Variants in SPAG16 observed in about 807,000 individuals in gnomAD.
The protein encoded by SPAG16 is sperm associated antigen 16, also known as sperm-associated antigen 16 protein.
Under a neutral mutation model 80.4 loss-of-function variants are expected in SPAG16, and 86 were observed. That is an observed-to-expected ratio of 1.07 (90% CI 0.90 to 1.28). SPAG16 has a LOEUF of 1.28. SPAG16 is among the 50% of genes most tolerant of loss of function. SPAG16 has a pLI of 0.00. For synonymous variants in SPAG16, 294 were observed against 265.9 expected (o/e 1.11, Z -1.03); for missense variants, 870 against 765.3 (o/e 1.14, Z -1.61).
intron 12 of SPAG16, among the ~76,000 whole-genome samples, chr2:213,942,927 A>T (rs2079271579): frequency 6.6e-6 from 1 of 152,168 alleles, no homozygotes; most frequent in Non-Finnish European, 1.5e-5. Flanking sequence ...TTAGGTCATG[A>T]AGGTAGAGCC....
At chr2:213,982,610 G>GGTGTGTGTGTGTGTGTGTGTGT (rs57529616) in intron 12 of SPAG16, among the ~76,000 whole-genome samples, 3 of 141,858 alleles carry the variant, frequency 2.1e-5, no homozygotes, top group African/African-American at 5.2e-5. Context: ...TATAGTTTCT[G>GGTGTGTGTGTGTGTGTGTGTGT]GTGTGTGTGT....
chr2:213,877,985 AT>A (rs1277535714), intron 11 of SPAG16, among the ~76,000 whole-genome samples: 1 of 152,126 alleles, frequency 6.6e-6, no homozygotes, highest in Admixed American at 6.6e-5. Flanking sequence ...ATTGACCTAG[AT>A]CAAATTTCTG....
chr2:213,534,602 A>G (rs2076178578), intron 10 of SPAG16, among the ~76,000 whole-genome samples: 1 of 152,136 alleles, frequency 6.6e-6, no homozygotes, highest in Non-Finnish European at 1.5e-5. Context: ...AATCCCAAAA[A>G]CATACTCATT....
chr2:213,483,612 CAGAG>C (rs1008198217), intron 9 of SPAG16, among the ~76,000 whole-genome samples: 26 of 152,228 alleles, frequency 1.7e-4, no homozygotes, highest in African/African-American at 6.0e-4. Context: ...GCCCCATTCA[CAGAG>C]ACTCTGATTT....
At chr2:214,351,595 C>T (rs1265147565) in intron 15 of SPAG16, among the ~76,000 whole-genome samples, 1 of 152,022 alleles carries the variant, frequency 6.6e-6, no homozygotes, top group Admixed American at 6.6e-5. Context: ...CCCAGATGCT[C>T]AGGAGGCTGA....
intron 15 of SPAG16, among the ~76,000 whole-genome samples, chr2:214,219,533 T>C (rs2058511764): frequency 6.6e-6 from 1 of 152,138 alleles, no homozygotes; most frequent in South Asian, 2.1e-4. Flanking sequence ...TTTGCTATTT[T>C]TATACTTTCT....
chr2:213,399,058 T>TGAA (rs2068188549), intron 9 of SPAG16, among the ~76,000 whole-genome samples: 3 of 152,138 alleles, frequency 2.0e-5, no homozygotes, highest in Non-Finnish European at 2.9e-5. Context: ...TTGTAAGTAG[T>TGAA]ATCATCTGTG....
At chr2:213,871,611 C>A (rs1190315634) in intron 11 of SPAG16, among the ~76,000 whole-genome samples, 1 of 151,844 alleles carries the variant, frequency 6.6e-6, no homozygotes, top group Admixed American at 6.6e-5. Flanking sequence ...CAAGGACTTG[C>A]ACAAGCAGGA....
intron 10 of SPAG16, among the ~76,000 whole-genome samples, chr2:213,622,754 A>G (rs1251809371): frequency 6.6e-6 from 1 of 152,198 alleles, no homozygotes; most frequent in Non-Finnish European, 1.5e-5. Flanking sequence ...CAAACTTAGC[A>G]ATATATTTTA....
At chr2:214,125,740 C>T (rs1348135524) in intron 14 of SPAG16, among the ~76,000 whole-genome samples, 3 of 151,648 alleles carry the variant, frequency 2.0e-5, no homozygotes, top group Admixed American at 6.7e-5. Context: ...TCTTAAGGAT[C>T]ATAGCCAAAA....
chr2:214,319,191 ACACACACAC>A (rs1169976942), intron 15 of SPAG16, among the ~76,000 whole-genome samples: 3 of 104,476 alleles, frequency 2.9e-5, no homozygotes, highest in East Asian at 2.9e-4. Flanking sequence ...AAACTTGCAC[ACACACACAC>A]CACACACACA....
chr2:213,696,760 G>C (rs1353015533), intron 10 of SPAG16, among the ~76,000 whole-genome samples: 2 of 152,116 alleles, frequency 1.3e-5, no homozygotes, highest in African/African-American at 4.8e-5. Flanking sequence ...TTTGTTATAA[G>C]AACTATTTCA....
intron 5 of SPAG16, among the ~76,000 whole-genome samples, chr2:213,324,528 G>A (rs2063762858): frequency 6.6e-6 from 1 of 151,962 alleles, no homozygotes; most frequent in South Asian, 2.1e-4. Flanking sequence ...ATTGTGTTTG[G>A]CATCTTATAC....
chr2:214,095,847 T>A (rs538513141), intron 13 of SPAG16, among the ~76,000 whole-genome samples: 1 of 152,142 alleles, frequency 6.6e-6, no homozygotes, highest in African/African-American at 2.4e-5. Context: ...TCTCTTGTGC[T>A]TTTTAACCAC....
chr2:213,690,457 AT>A (rs2064895199), intron 10 of SPAG16, among the ~76,000 whole-genome samples: 1 of 152,192 alleles, frequency 6.6e-6, no homozygotes, highest in Admixed American at 6.5e-5. Flanking sequence ...ACCTAATCTC[AT>A]TCATGAGTAT....
chr2:213,392,986 A>G (rs537456525), intron 9 of SPAG16, among the ~76,000 whole-genome samples: 2 of 152,210 alleles, frequency 1.3e-5, no homozygotes, highest in African/African-American at 4.8e-5. Flanking sequence ...CAACATATTT[A>G]TAATTCTGTG....
At chr2:214,281,036 C>A in intron 15 of SPAG16, 1 of 406,044 alleles carries the variant, frequency 2.5e-6, no homozygotes, top group Non-Finnish European at 4.8e-6. Flanking sequence ...TCCCTCAGGG[C>A]GCCAGAAACT....
intron 13 of SPAG16, among the ~76,000 whole-genome samples, chr2:214,018,048 G>T (rs1227581488): frequency 6.6e-6 from 1 of 151,722 alleles, no homozygotes; most frequent in Non-Finnish European, 1.5e-5. Flanking sequence ...AATTTAAATT[G>T]ATAGCTATGT....
At chr2:214,123,362 A>G (rs750814074) in intron 14 of SPAG16, among the ~76,000 whole-genome samples, 2 of 152,012 alleles carry the variant, frequency 1.3e-5, no homozygotes, top group Non-Finnish European at 2.9e-5. Flanking sequence ...AAAGCAACAT[A>G]ATTATGTCAT....
Sources: gnomAD v4.1 joint callset for allele counts (sites outside exome capture counted in the v4.1 genomes callset) on GRCh38, gnomAD v4.1.1 for gene constraint, MANE v1.5 for transcripts, NCBI Gene and HGNC (gene_info 2026-07-23, HGNC 2026-07-21) for gene names.